The following CREB1 variants were observed in gnomAD, a reference collection of about 807,000 sequenced individuals.
CREB1 encodes cyclic AMP-responsive element-binding protein 1.
A neutral mutation model predicts 42.0 loss-of-function variants in CREB1; 2 were observed. That is an observed-to-expected ratio of 0.05 (90% CI 0.02 to 0.15). CREB1 has a LOEUF of 0.15. CREB1 is among the 10% of genes least tolerant of loss of function. The pLI, the probability that CREB1 is intolerant of heterozygous loss-of-function variation, is 1.00. For synonymous variants in CREB1, 123 were observed against 139.9 expected (o/e 0.88, Z 0.85); for missense variants, 199 against 388.9 (o/e 0.51, Z 4.11).
intron 1 of CREB1, among the ~76,000 whole-genome samples, chr2:207,552,533 A>G (rs1034489975): frequency 2.0e-5 from 3 of 147,220 alleles, no homozygotes; most frequent in Admixed American, 6.9e-5. Flanking sequence ...GGTATGATAC[A>G]TTTGTATTTA....
intron 1 of CREB1, among the ~76,000 whole-genome samples, chr2:207,533,863 A>G (rs962753758): frequency 6.6e-6 from 1 of 152,234 alleles, no homozygotes; most frequent in Non-Finnish European, 1.5e-5. Flanking sequence ...GTCTGAATCC[A>G]AGCATTGCCA....
chr2:207,570,533 T>C (rs980789598), intron 5 of CREB1, among the ~76,000 whole-genome samples: 1 of 152,236 alleles, frequency 6.6e-6, no homozygotes, highest in Non-Finnish European at 1.5e-5. Context: ...ATTAGTCAAG[T>C]GTATAAACCT....
intron 1 of CREB1, among the ~76,000 whole-genome samples, chr2:207,539,656 G>A (rs1340208267): frequency 6.6e-6 from 1 of 152,186 alleles, no homozygotes; most frequent in Non-Finnish European, 1.5e-5. Flanking sequence ...ATGAAATAGT[G>A]TAAGAATGAT....
chr2:207,558,923 G>A (rs192068674), intron 2 of CREB1, among the ~76,000 whole-genome samples: 46 of 152,292 alleles, frequency 3.0e-4, no homozygotes, highest in Middle Eastern at 6.8e-3. Context: ...GATTACAGGC[G>A]TGAGCCACAT....
chr2:207,587,129 C>T (rs1030416862), intron 7 of CREB1, among the ~76,000 whole-genome samples: 1 of 152,130 alleles, frequency 6.6e-6, no homozygotes, highest in Non-Finnish European at 1.5e-5. Flanking sequence ...CGTGGTGGCT[C>T]ACGCCTGTAA....
At chr2:207,581,677 G>C (rs2082975476) in intron 7 of CREB1, 1 of 499,392 alleles carries the variant, frequency 2.0e-6, no homozygotes, top group African/African-American at 2.0e-5. Context: ...CCTTCATCCA[G>C]CTTTCTCTAA....
At chr2:207,587,414 GA>G (rs1227810425) in intron 7 of CREB1, among the ~76,000 whole-genome samples, 2 of 147,406 alleles carry the variant, frequency 1.4e-5, no homozygotes, top group African/African-American at 5.0e-5. Flanking sequence ...AAAGGAAAAA[GA>G]AAAAAACACA....
At chr2:207,538,801 T>G (rs1235111200) in intron 1 of CREB1, among the ~76,000 whole-genome samples, 1 of 152,230 alleles carries the variant, frequency 6.6e-6, no homozygotes, top group East Asian at 1.9e-4. Flanking sequence ...AGACGTTTCT[T>G]TCATCAATTT....
intron 1 of CREB1, among the ~76,000 whole-genome samples, chr2:207,534,191 A>G (rs948155049): frequency 5.3e-5 from 8 of 152,190 alleles, no homozygotes; most frequent in Non-Finnish European, 8.8e-5. Flanking sequence ...AGTCCCAGGC[A>G]TTGTGCAAGT....
intron 7 of CREB1, among the ~76,000 whole-genome samples, chr2:207,590,302 T>G (rs2084770141): frequency 6.6e-6 from 1 of 151,904 alleles, no homozygotes; most frequent in Non-Finnish European, 1.5e-5. Context: ...TATTGTTAAT[T>G]TTTGTCTTTC....
chr2:207,534,015 A>G (rs1054224730), intron 1 of CREB1, among the ~76,000 whole-genome samples: 1 of 152,238 alleles, frequency 6.6e-6, no homozygotes, highest in Non-Finnish European at 1.5e-5. Flanking sequence ...AAAGTACCTT[A>G]GGGCTACAAC....
chr2:207,535,271 G>T (rs764992440), intron 1 of CREB1, among the ~76,000 whole-genome samples: 7 of 152,186 alleles, frequency 4.6e-5, no homozygotes, highest in Non-Finnish European at 8.8e-5. Flanking sequence ...AGCAAGCCAG[G>T]TTAAGAGTTA....
chr2:207,557,451 G>C lies in CREB1; in HGVS notation c.114+1702G>C, dbSNP rs551869630. 1.1e-4 allele frequency among the ~76,000 whole-genome samples: 16 copies of C among 152,304 alleles called. No individual in the cohort carries two copies. In the East Asian group the frequency reaches 3.1e-3, roughly 29 times the overall value. Reference sequence around the variant, plus strand: ...TAATCCCCACACTTTGGGAGGCCGAGGCAGGCGGATCACGAGGTTAGGAGA... The same window carrying C: ...TAATCCCCACACTTTGGGAGGCCGACGCAGGCGGATCACGAGGTTAGGAGA... On this transcript the variant is annotated intron_variant, in intron 2 of 7. Coordinates refer to ENST00000353267, the MANE Select transcript of CREB1 (RefSeq NM_004379.5).
Position 207,555,836 on chromosome 2 carries a change from T to C in CREB1, c.114+87T>C, listed in dbSNP as rs567278522. On this transcript the variant is annotated intron_variant, in intron 2 of 7. Coordinates refer to ENST00000353267, the MANE Select transcript of CREB1 (RefSeq NM_004379.5). ...GAATTTAGTTGTTATTACATAGATA[T>C]ACATAGAATGAGCAGAGATACTCTT... The C allele has an allele frequency of 2.1e-5, 16 of 771,812 alleles. No individual in the cohort carries two copies. The East Asian group carries it at 2.7e-4, about 13-fold the overall frequency. The allele number at this position is 771,812 out of a possible 1,614,324, so 47.8% of individuals were successfully genotyped here. A position where few individuals can be genotyped will look rare whatever the true frequency, so the allele number is the denominator to read the frequency against.
chr2:207,558,292 T>C (rs2081813470), intron 2 of CREB1, among the ~76,000 whole-genome samples: 1 of 152,190 alleles, frequency 6.6e-6, no homozygotes, highest in Non-Finnish European at 1.5e-5. Context: ...AATTCAGATG[T>C]CAGAGTAGTT....
In CREB1 at chr2:207,570,214, G is replaced by T; in HGVS notation, c.398G>T (p.Gly133Val). 6.2e-7 allele frequency: 1 copy of T among 1,612,940 alleles called. No homozygotes were observed. The highest frequency in any genetic ancestry group is 2.2e-5 in the East Asian group (1 of 44,858). The change falls in exon 5 of 8, where the codon GGA becomes GTA. Residue 133 changes from glycine (G) to valine (V), a missense_variant. Physicochemically the swap from Gly to Val is moderately radical, Grantham distance 109. Coordinates refer to ENST00000353267, the MANE Select transcript of CREB1 (RefSeq NM_004379.5). Reference protein sequence around the residue: ...ILNDLSSDAPGVPRIEEEKSE... With the variant: ...ILNDLSSDAPVVPRIEEEKSE... The stretch of plus-strand genomic sequence containing the variant: ...AATGACTTATCTTCTGATGCACCAG[G>T]AGTGCCAAGGATTGAAGAAGAGAAG...
intron 3 of CREB1, among the ~76,000 whole-genome samples, chr2:207,567,065 TTAAA>T (rs985651051): frequency 2.3e-4 from 35 of 152,300 alleles, no homozygotes; most frequent in Admixed American, 1.2e-3. Flanking sequence ...GTTTATACAG[TTAAA>T]TAATAATATT....
intron 4 of CREB1, chr2:207,567,817 A>G: frequency 3.9e-6 from 1 of 257,808 alleles, no homozygotes; most frequent in East Asian, 6.9e-5. Flanking sequence ...TCTTTCTGTT[A>G]AAAGTTTGGA....
At chr2:207,567,433 T>G in intron 3 of CREB1, 30 bp from the exon 4 acceptor site, 1 of 1,497,096 alleles carries the variant, frequency 6.7e-7, no homozygotes, top group Non-Finnish European at 9.2e-7. Flanking sequence ...TAAATTTGAT[T>G]ATCAATATGA....
Sources: gnomAD v4.1 joint callset for allele counts (sites outside exome capture counted in the v4.1 genomes callset) on GRCh38, gnomAD v4.1.1 for gene constraint, MANE v1.5 for transcripts, NCBI Gene and HGNC (gene_info 2026-07-23, HGNC 2026-07-21) for gene names.